The following CILP variants were observed in gnomAD, a reference collection of about 807,000 sequenced individuals.
CILP encodes the protein cartilage intermediate layer protein 1.
In CILP, 75 loss-of-function variants were observed where a neutral mutation model predicts 82.5. The ratio of observed to expected loss-of-function variants is 0.91; its 90% CI spans 0.75 to 1.10. The LOEUF is 1.10. Ranked by LOEUF, CILP falls within the 50% of genes least tolerant of loss-of-function variation. The pLI is 0.00. For synonymous variants in CILP, 530 were observed against 580.3 expected (o/e 0.91, Z 1.25); for missense variants, 1,479 against 1,530.8 (o/e 0.97, Z 0.56).
chr15:65,205,659 G>A (rs1595960171), intron 4 of CILP, among the ~76,000 whole-genome samples, 193 bp from the exon 5 acceptor site: 1 of 152,232 alleles, frequency 6.6e-6, no homozygotes, highest in East Asian at 1.9e-4. Context: ...TCTCTAATTT[G>A]CACAGAGGCA....
In CILP at chr15:65,205,441, G is replaced by A. The variant is rs573364331; in HGVS notation, c.450C>T (p.Arg150=). The change falls in exon 5 of 9, where the codon CGC becomes CGT. Residue 150 remains arginine, a synonymous_variant. Transcript: ENST00000261883. ...PPGSLRRDTE[R]IWSPWSPWSK... The stretch of plus-strand genomic sequence containing the variant: ...TCCAGGGAGACCATGGGCTCCAGAT[G>A]CGCTCTGTGTCTCGGCGCAGGGATC... The A allele has an allele frequency of 3.3e-5, 53 of 1,611,892 alleles. No homozygotes were observed. The highest frequency in any genetic ancestry group is 1.6e-4 in the Middle Eastern group (1 of 6,080).
chr15:65,208,497 C>T (rs1328155618), intron 2 of CILP, among the ~76,000 whole-genome samples: 1 of 152,238 alleles, frequency 6.6e-6, no homozygotes, highest in Non-Finnish European at 1.5e-5. Context: ...CTAGCAACTT[C>T]TTTTAGCTCA....
chr15:65,196,723 C>T lies in CILP; in HGVS notation c.*8G>A, dbSNP rs778632137. 11 of 1,520,334 alleles carry T rather than the reference C, an allele frequency of 7.2e-6. No individual in the cohort carries two copies. The East Asian group carries it at 1.4e-4, about 19-fold the overall frequency. 94.2% of individuals were successfully genotyped at this position (1,520,334 alleles called of 1,614,324 possible). A position where few individuals can be genotyped will look rare whatever the true frequency, so the allele number is the denominator to read the frequency against. On this transcript the variant is annotated 3_prime_UTR_variant, in exon 9 of 9. Coordinates refer to ENST00000261883, the MANE Select transcript of CILP (RefSeq NM_003613.4). Reference sequence around the variant, plus strand: ...ATGAGGGCAGAAGAGGGTGAAGTACCACAAAACTTAGTTGATCAGGGGCTG... The same window carrying T: ...ATGAGGGCAGAAGAGGGTGAAGTACTACAAAACTTAGTTGATCAGGGGCTG...
At chr15:65,201,680 G>C (rs1218835684) in intron 8 of CILP, among the ~76,000 whole-genome samples, 192 bp downstream of exon 8, 1 of 142,538 alleles carries the variant, frequency 7.0e-6, no homozygotes, top group African/African-American at 2.7e-5. Flanking sequence ...AGTGAGCTGA[G>C]ATGGTGCCAC....
intron 8 of CILP, among the ~76,000 whole-genome samples, chr15:65,200,639 C>T (rs1016462799): frequency 6.6e-6 from 1 of 152,120 alleles, no homozygotes; most frequent in African/African-American, 2.4e-5. Context: ...CCCATGCTGG[C>T]CCCTCAATCT....
intron 2 of CILP, among the ~76,000 whole-genome samples, chr15:65,209,032 T>TTTTTGC (rs2088555918): frequency 6.9e-6 from 1 of 145,738 alleles, no homozygotes; most frequent in African/African-American, 2.6e-5. Flanking sequence ...TTTTTTTTTT[T>TTTTTGC]TTTTGCTTTT....
At chr15:65,199,510 T>C (rs541427948) in intron 8 of CILP, among the ~76,000 whole-genome samples, 1 of 152,312 alleles carries the variant, frequency 6.6e-6, no homozygotes, top group East Asian at 1.9e-4. Flanking sequence ...TTCATGTAGG[T>C]AGAAAACCTG....
At chr15:65,207,159 C>T in intron 3 of CILP, 108 bp from the exon 4 acceptor site, 2 of 1,226,602 alleles carry the variant, frequency 1.6e-6, no homozygotes, top group South Asian at 2.9e-5. Flanking sequence ...ACATTTGTCT[C>T]TCCAGTATCT....
rs1191780395 is a variant in CILP, at chr15:65,196,975, G to A, written c.3311C>T (p.Ser1104Phe). The change falls in exon 9 of 9, where the codon TCC (serine) becomes TTC (phenylalanine). Residue 1104 changes from serine (S) to phenylalanine (F), a missense_variant. Transcript: ENST00000261883. ...RCFDGTSDGS[S>F]RIMKSNVGVA... Reference sequence around the variant, plus strand: ...TCCCACATTGCTCTTCATGATTCTGGAGGAGCCATCGGATGTGCCATCAAA... The same window carrying A: ...TCCCACATTGCTCTTCATGATTCTGAAGGAGCCATCGGATGTGCCATCAAA... 6.2e-7 allele frequency: 1 copy of A among 1,614,138 alleles called. No individual in the cohort carries two copies. Among genetic ancestry groups the A allele is most frequent in the Non-Finnish European group, 8.5e-7 (1 of 1,180,012 alleles).
rs1187219306 is a variant in CILP at position 65,198,623 on chromosome 15, G to A, written c.1663C>T (p.Leu555=). 6.2e-7 allele frequency: 1 copy of A among 1,614,072 alleles called. No homozygotes were observed. Among genetic ancestry groups the A allele is most frequent in the Non-Finnish European group, 8.5e-7 (1 of 1,180,042 alleles). The stretch of plus-strand genomic sequence containing the variant: ...GCACTCCCCTTCTTGTTGAAAGGTA[G>A]CACTTTGGTGGTGTTGACAAACTTC... ...LQKFVNTTKV[L]PFNKKGSAVF... The change falls in exon 9 of 9, where the codon CTA becomes TTA. Residue 555 remains leucine, a synonymous_variant. Transcript: ENST00000261883.
Position 65,198,767 on chromosome 15 carries a change from A to C in CILP, c.1519T>G (p.Phe507Val). 6.2e-7 allele frequency: 1 copy of C among 1,614,160 alleles called. No homozygotes were observed. Among genetic ancestry groups the C allele is most frequent in the Non-Finnish European group, 8.5e-7 (1 of 1,180,032 alleles). ...SAADNGEPMR[F>V]GHVYMGNSRV... ...CTGTTCCCCATGTACACATGGCCAA[A>C]GCGCATGGGCTCCCCATTGTCAGCA... is the stretch of plus-strand genomic sequence containing the variant. Residue 507 changes from phenylalanine to valine, a missense_variant, in exon 9 of 9, where the codon TTT becomes GTT. Coordinates refer to ENST00000261883, the MANE Select transcript of CILP (RefSeq NM_003613.4).
intron 2 of CILP, 136 bp downstream of exon 2, chr15:65,209,559 A>C (rs2088562702): frequency 2.8e-6 from 2 of 717,202 alleles, no homozygotes; most frequent in Non-Finnish European, 4.8e-6. Context: ...ATAAATTACG[A>C]ATAAATCCAT....
At position 65,206,937 on chromosome 15, in the gene CILP, AG is replaced by A; in HGVS notation, c.268del (p.Leu90CysfsTer3). Reference protein sequence around the residue: ...YYGDRVCARPLRLEARTTDWT... With the variant: ...YYGDRVCARPXRLEARTTDWT... ...GTCAGTGGTCCGAGCCTCTAGCCGC[AG>A]GGGACGGGCACATACACGGTCCCCA... On this transcript the variant is annotated frameshift_variant, in exon 4 of 9. Coordinates refer to ENST00000261883, the MANE Select transcript of CILP (RefSeq NM_003613.4). LOFTEE classifies it high-confidence loss of function. 1 of 1,614,070 alleles carries A rather than the reference AG, an allele frequency of 6.2e-7. No homozygotes were observed. The highest frequency in any genetic ancestry group is 8.5e-7 in the Non-Finnish European group (1 of 1,180,020).
rs1464932780 is a variant in CILP at position 65,198,611 on chromosome 15, T to C, written c.1675A>G (p.Lys559Glu). The change falls in exon 9 of 9, where the codon AAG (lysine) becomes GAG (glutamate). Residue 559 changes from lysine to glutamate, a missense_variant. Physicochemically the swap from Lys to Glu is moderately conservative, Grantham distance 56. Coordinates refer to ENST00000261883, the MANE Select transcript of CILP (RefSeq NM_003613.4). ...TCATGGAACACGGCACTCCCCTTCT[T>C]GTTGAAAGGTAGCACTTTGGTGGTG... is the stretch of plus-strand genomic sequence containing the variant. ...VNTTKVLPFN[K>E]KGSAVFHEIK... 8 of 1,614,094 alleles carry C rather than the reference T, an allele frequency of 5.0e-6. No individual in the cohort carries two copies. The highest frequency in any genetic ancestry group is 6.8e-6 in the Non-Finnish European group (8 of 1,180,056).
intron 2 of CILP, among the ~76,000 whole-genome samples, chr15:65,209,082 G>T (rs1335164767): frequency 2.0e-5 from 3 of 148,982 alleles, no homozygotes; most frequent in African/African-American, 4.9e-5. Flanking sequence ...GGAGAGGAAG[G>T]GGAGGAGGTG....
Position 65,197,409 on chromosome 15 carries a change from C to T in CILP, c.2877G>A (p.Lys959=), listed in dbSNP as rs1227412788. 1.1e-5 allele frequency: 17 copies of T among 1,614,258 alleles called. No individual in the cohort carries two copies. The highest frequency in any genetic ancestry group is 1.4e-5 in the Non-Finnish European group (16 of 1,180,050). ...MEFRACYIKV[K]IVGPLEVNVR... is the part of the protein sequence containing the mutation. ...CATTCACTTCCAGTGGCCCCACAAT[C>T]TTCACCTTGATATAGCAGGCCCTGA... The change falls in exon 9 of 9, where the codon AAG becomes AAA. Residue 959 remains lysine, a synonymous_variant. Coordinates refer to ENST00000261883, the MANE Select transcript of CILP (RefSeq NM_003613.4).
chr15:65,205,436 C>T lies in CILP; in HGVS notation c.455G>A (p.Trp152Ter), dbSNP rs761037666. 1.2e-6 allele frequency: 2 copies of T among 1,612,326 alleles called. No individual in the cohort carries two copies. The highest frequency in any genetic ancestry group is 2.2e-5 in the South Asian group (2 of 91,040). ...CTTGCTCCAGGGAGACCATGGGCTC[C>T]AGATGCGCTCTGTGTCTCGGCGCAG... ...GSLRRDTERIWSPWSPWSKCS... is the reference protein window; with the variant it reads ...GSLRRDTERI Residue 152 changes from tryptophan to a stop codon, truncating the protein, a stop_gained, in exon 5 of 9, where the codon TGG becomes TAG. Transcript: ENST00000261883. LOFTEE classifies it high-confidence loss of function.
Position 65,198,555 on chromosome 15 carries a change from G to A in CILP, c.1731C>T (p.Ile577=), listed in dbSNP as rs764768979. ...TGTTGGTCTCCATGGCTTCCAAAGT[G>A]ATGGGCTTTTTCCGACGAAGCATCT... ...EIKMLRRKKP[I]TLEAMETNII... Residue 577 remains isoleucine (I), a synonymous_variant, in exon 9 of 9, where the codon ATC becomes ATT. Coordinates refer to ENST00000261883, the MANE Select transcript of CILP (RefSeq NM_003613.4). The A allele has an allele frequency of 4.3e-6, 7 of 1,614,090 alleles. No individual in the cohort carries two copies. Among genetic ancestry groups the A allele is most frequent in the African/African-American group, 1.3e-5 (1 of 74,936 alleles).
intron 2 of CILP, among the ~76,000 whole-genome samples, chr15:65,209,129 C>A (rs1309656039): frequency 1.4e-5 from 2 of 143,578 alleles, no homozygotes; most frequent in Non-Finnish European, 3.0e-5. Context: ...CGCTTAGATG[C>A]CTTGGGAAGT....
Sources: gnomAD v4.1 joint callset for allele counts (sites outside exome capture counted in the v4.1 genomes callset) on GRCh38, gnomAD v4.1.1 for gene constraint, MANE v1.5 for transcripts, NCBI Gene and HGNC (gene_info 2026-07-23, HGNC 2026-07-21) for gene names.